The following ATAD3A variants were observed in gnomAD, a reference collection of about 807,000 sequenced individuals.
ATAD3A encodes ATPase family AAA domain-containing protein 3A.
In ATAD3A, 46 loss-of-function variants were observed where a neutral mutation model predicts 73.8. That is an observed-to-expected ratio of 0.62 (90% CI 0.49 to 0.80). The LOEUF (loss-of-function observed/expected upper bound fraction) is 0.80. Among genes scored for constraint, ATAD3A ranks in the 30% least tolerant of loss-of-function variants. ATAD3A has a pLI of 0.00. For synonymous variants in ATAD3A, 319 were observed against 350.0 expected (o/e 0.91, Z 0.99); for missense variants, 705 against 838.0 (o/e 0.84, Z 1.96).
In ATAD3A at chr1:1,512,456, G is replaced by A. The variant is rs1570313542; in HGVS notation, c.188G>A (p.Arg63His). 1 of 1,206,056 alleles carries A rather than the reference G, an allele frequency of 8.3e-7. No individual in the cohort carries two copies. The highest frequency in any genetic ancestry group is 1.0e-6 in the Non-Finnish European group (1 of 968,554). 74.7% of individuals were successfully genotyped at this position (1,206,056 alleles called of 1,614,324 possible). Residue 63 changes from arginine (R) to histidine (H), a missense_variant, in exon 1 of 16, where the codon CGC becomes CAC. Arg to His is a conservative substitution (Grantham distance 29, BLOSUM62 0). This residue lies in a region of ATAD3A where 125 missense variants were observed against 170.6 expected (regional missense o/e 0.73). Coordinates refer to ENST00000378756, the MANE Select transcript of ATAD3A (RefSeq NM_001170535.3). ...TGLERAAKAA[R>H]ELEHSRYAKD... is the part of the protein sequence containing the mutation. ...CTGGAGCGCGCCGCCAAGGCGGCGCGCGAGCTGGAGCACTCGCGTGAGTGC... is the reference window on the plus strand; with the variant it reads ...CTGGAGCGCGCCGCCAAGGCGGCGCACGAGCTGGAGCACTCGCGTGAGTGC...
chr1:1,514,204 TG>T (rs1641285020), intron 1 of ATAD3A, among the ~76,000 whole-genome samples: 1 of 151,952 alleles, frequency 6.6e-6, no homozygotes, highest in Non-Finnish European at 1.5e-5. Context: ...CCAGAGTCAC[TG>T]GGGGTAGGAA....
intron 1 of ATAD3A, 97 bp from the exon 2 acceptor site, chr1:1,515,915 G>A: frequency 1.4e-6 from 2 of 1,422,806 alleles, no homozygotes; most frequent in Non-Finnish European, 1.9e-6. Flanking sequence ...GTCGAGGCGT[G>A]GCCGTGGATT....
chr1:1,523,785 T>G lies in ATAD3A; in HGVS notation c.964-54T>G. On this transcript the variant is annotated intron_variant, in intron 9 of 15. Coordinates refer to ENST00000378756, the MANE Select transcript of ATAD3A (RefSeq NM_001170535.3). This position sits in a 1 kb window ranked among gnomAD's most constrained non-coding sequence, Gnocchi z 5.1. Reference sequence around the variant, plus strand: ...CAGGCATTCCCGCAGCCCCTTCCCCTGAGGCTTCCATGGGTGCACAGTGTC... The same window carrying G: ...CAGGCATTCCCGCAGCCCCTTCCCCGGAGGCTTCCATGGGTGCACAGTGTC... 1 of 1,611,978 alleles carries G rather than the reference T, an allele frequency of 6.2e-7. No individual in the cohort carries two copies. The highest frequency in any genetic ancestry group is 1.1e-5 in the South Asian group (1 of 90,986).
In ATAD3A at chr1:1,512,434, G is replaced by C; in HGVS notation, c.166G>C (p.Glu56Gln). ...KWSNFDPTGLERAAKAARELE... is the reference protein window; with the variant it reads ...KWSNFDPTGLQRAAKAARELE... ...GAGCAACTTCGACCCCACCGGCCTG[G>C]AGCGCGCCGCCAAGGCGGCGCGCGA... is the stretch of plus-strand genomic sequence containing the variant. The change falls in exon 1 of 16, where the codon GAG becomes CAG. Residue 56 changes from glutamate to glutamine, a missense_variant. By Grantham distance (29) the Glu-to-Gln change is conservative. This residue lies in a region of ATAD3A where 125 missense variants were observed against 170.6 expected (regional missense o/e 0.73). Coordinates refer to ENST00000378756, the MANE Select transcript of ATAD3A (RefSeq NM_001170535.3). 5 of 1,222,362 alleles carry C rather than the reference G, an allele frequency of 4.1e-6. No homozygotes were observed. Among genetic ancestry groups the C allele is most frequent in the Non-Finnish European group, 5.1e-6 (5 of 977,400 alleles). The allele number at this position is 1,222,362 out of a possible 1,614,324, so 75.7% of individuals were successfully genotyped here. A position where few individuals can be genotyped will look rare whatever the true frequency, so the allele number is the denominator to read the frequency against.
intron 15 of ATAD3A, 66 bp from the exon 16 acceptor site, chr1:1,533,860 C>T (rs1205191904): frequency 6.4e-7 from 1 of 1,568,540 alleles, no homozygotes; most frequent in Non-Finnish European, 8.6e-7. Context: ...ACCTCGGGGC[C>T]CTGGCGTGCA....
intron 1 of ATAD3A, among the ~76,000 whole-genome samples, chr1:1,513,773 C>T (rs1207759738): frequency 1.3e-5 from 2 of 152,134 alleles, no homozygotes; most frequent in African/African-American, 4.8e-5. Context: ...CCCGACGCTC[C>T]TGGCTTCCTC....
Position 1,520,583 on chromosome 1 carries a change from C to T in ATAD3A, c.716C>T (p.Ala239Val), listed in dbSNP as rs776956322. 1.2e-6 allele frequency: 2 copies of T among 1,613,798 alleles called. No individual in the cohort carries two copies. Among genetic ancestry groups the T allele is most frequent in the South Asian group, 1.1e-5 (1 of 91,056 alleles). ...ACCTTGTTTGGGGAAGGATTCCGTG[C>T]CTTTGTGACAGACTGGGACAAAGTG... ...AGTLFGEGFR[A>V]FVTDWDKVTA... Residue 239 changes from alanine (A) to valine (V), a missense_variant, in exon 7 of 16, where the codon GCC becomes GTC. Physicochemically the swap from Ala to Val is moderately conservative, Grantham distance 64 (BLOSUM62 0). Coordinates refer to ENST00000378756, the MANE Select transcript of ATAD3A (RefSeq NM_001170535.3). This position sits in a 1 kb window ranked among gnomAD's most constrained non-coding sequence, Gnocchi z 4.0.
At chr1:1,528,112 A>G (rs2100679086) in intron 14 of ATAD3A, among the ~76,000 whole-genome samples, 1 of 151,504 alleles carries the variant, frequency 6.6e-6, no homozygotes, top group African/African-American at 2.4e-5. Context: ...GGCGCCCACC[A>G]CCATGCCTGG....
chr1:1,529,996 C>G (rs1030919849), intron 15 of ATAD3A, among the ~76,000 whole-genome samples: 7 of 152,264 alleles, frequency 4.6e-5, no homozygotes, highest in African/African-American at 1.7e-4. Context: ...TCCGCAGAGT[C>G]TGTGTAACAA....
chr1:1,523,187 A>G lies in ATAD3A; in HGVS notation c.906+288A>G, dbSNP rs3813216. Among the ~76,000 whole-genome samples the G allele has an allele frequency of 0.27, 41,633 of 151,450 alleles. 11,954 individuals are homozygous for G. Among genetic ancestry groups the G allele is most frequent in the African/African-American group, 0.72 (29,500 of 41,152 alleles). On this transcript the variant is annotated intron_variant, in intron 8 of 15. Transcript: ENST00000378756. This position sits in a 1 kb window ranked among gnomAD's most constrained non-coding sequence, Gnocchi z 5.1. ...CCGGGACTTGGGTGTGCGGCCGTCT[A>G]TCAGGGAAGCTGCTACAGGCCACGG...
In ATAD3A at chr1:1,527,398, C is replaced by A. The variant is rs754106534; in HGVS notation, c.1338-297C>A. 4.6e-5 allele frequency among the ~76,000 whole-genome samples: 7 copies of A among 152,216 alleles called. No homozygotes were observed. The East Asian group carries it at 1.3e-3, about 29-fold the overall frequency. On this transcript the variant is annotated intron_variant, in intron 13 of 15. Transcript: ENST00000378756. ...TCGACATGGACTCCGGGTCCCGAAT[C>A]CCTGCTCCCAGCACAGCAGGGGTCA... is the stretch of plus-strand genomic sequence containing the variant.
chr1:1,531,858 G>T (rs1364436604), intron 15 of ATAD3A, among the ~76,000 whole-genome samples: 2 of 151,996 alleles, frequency 1.3e-5, no homozygotes, highest in Non-Finnish European at 2.9e-5. Context: ...ACTTTGGGAG[G>T]CTGAGGCAGT....
intron 4 of ATAD3A, among the ~76,000 whole-genome samples, chr1:1,518,141 G>A (rs1309339033): frequency 2.8e-5 from 4 of 142,986 alleles, no homozygotes; most frequent in South Asian, 2.2e-4. Context: ...TCACACACCC[G>A]CAAACATACC....
At chr1:1,519,852 C>T (rs1273459597) in intron 5 of ATAD3A, among the ~76,000 whole-genome samples, 2 of 152,228 alleles carry the variant, frequency 1.3e-5, no homozygotes, top group Non-Finnish European at 2.9e-5. Flanking sequence ...CAGGGCCGGC[C>T]TGTGGCGCTG....
At position 1,525,275 on chromosome 1, in the gene ATAD3A, T is replaced by C; in HGVS notation, c.1250T>C (p.Leu417Pro). ...TTTGTGGATGAAGCGGACGCCTTCC[T>C]TCGGAAGCGAGCCACCGTGAGTGTC... Reference protein sequence around the residue: ...LLFVDEADAFLRKRATEKISE... With the variant: ...LLFVDEADAFPRKRATEKISE... The change falls in exon 12 of 16, where the codon CTT (leucine) becomes CCT (proline). Residue 417 changes from leucine (L) to proline (P), a missense_variant. Transcript: ENST00000378756. 6.2e-7 allele frequency: 1 copy of C among 1,613,886 alleles called. No individual in the cohort carries two copies. Among genetic ancestry groups the C allele is most frequent in the Non-Finnish European group, 8.5e-7 (1 of 1,179,984 alleles).
At chr1:1,527,225 C>G in intron 13 of ATAD3A, 8 of 1,300,690 alleles carry the variant, frequency 6.2e-6, no homozygotes, top group Non-Finnish European at 8.1e-6. Flanking sequence ...TCCTCAGGCA[C>G]GTTGGGCTCC....
chr1:1,530,000 G>A (rs1488979986), intron 15 of ATAD3A, among the ~76,000 whole-genome samples: 2 of 152,248 alleles, frequency 1.3e-5, no homozygotes, highest in Non-Finnish European at 2.9e-5. Context: ...CAGAGTCTGT[G>A]TAACAACCTG....
intron 4 of ATAD3A, among the ~76,000 whole-genome samples, chr1:1,518,294 A>G (rs199936108): frequency 1.4e-5 from 1 of 71,166 alleles, no homozygotes; most frequent in Non-Finnish European, 2.7e-5. Context: ...GTACCCCCCC[A>G]CACACACACA....
intron 1 of ATAD3A, among the ~76,000 whole-genome samples, chr1:1,512,994 T>C (rs202098517): frequency 1.3e-5 from 2 of 152,234 alleles, no homozygotes; most frequent in East Asian, 3.8e-4. Flanking sequence ...GGCCAGGCCG[T>C]GCTGCTCAGC....
Sources: gnomAD v4.1 joint callset for allele counts (sites outside exome capture counted in the v4.1 genomes callset) on GRCh38, gnomAD v4.1.1 for gene constraint, gnomAD v4.1.1 regional missense constraint, Gnocchi (gnomAD v3.1) non-coding constraint, MANE v1.5 for transcripts, NCBI Gene and HGNC (gene_info 2026-07-23, HGNC 2026-07-21) for gene names.